TENM2: variants seen among roughly 807,000 people sequenced by gnomAD.
The protein encoded by TENM2 is teneurin-2.
TENM2 carries 52 observed loss-of-function variants against 245.2 expected under a neutral mutation model. The ratio of observed to expected loss-of-function variants is 0.21; its 90% CI spans 0.17 to 0.27. TENM2 has a LOEUF of 0.27. TENM2 is among the 10% of genes least tolerant of loss of function. The pLI is 1.00. For synonymous variants in TENM2, 1,363 were observed against 1,438.9 expected (o/e 0.95, Z 1.19); for missense variants, 3,046 against 3,666.8 (o/e 0.83, Z 4.37).
At chr5:167,453,129 G>C (rs1432999472) in intron 2 of TENM2, among the ~76,000 whole-genome samples, 2 of 151,178 alleles carry the variant, frequency 1.3e-5, no homozygotes, top group African/African-American at 4.9e-5. Flanking sequence ...ACAGCCCAGA[G>C]AGAGAACCTG....
chr5:168,203,692 C>T (rs762043645), exon 18 of TENM2: 6 of 1,605,578 alleles, frequency 3.7e-6, no homozygotes, highest in African/African-American at 1.3e-5. Flanking sequence ...CTTTCAGTGT[C>T]TGTCGGGTTT....
Position 167,814,466 on chromosome 5 carries a change from A to AG in TENM2, c.503-61520_503-61519insG, listed in dbSNP as rs547592506. Among the ~76,000 whole-genome samples, 22 of 150,908 alleles carry AG rather than the reference A, an allele frequency of 1.5e-4. 1 individual carries two copies. The East Asian group carries it at 2.2e-3, about 15-fold the overall frequency. On this transcript the variant is annotated intron_variant, in intron 2 of 28. Coordinates refer to ENST00000518659, the Ensembl canonical transcript of TENM2. ...GACACTCCGATTCAAAAAAAAAAAA[A>AG]AAAGAAAAAGAAAAGAAAAAGAAAG...
At chr5:167,817,185 A>G (rs1220276587) in intron 2 of TENM2, among the ~76,000 whole-genome samples, 1 of 152,222 alleles carries the variant, frequency 6.6e-6, no homozygotes, top group Admixed American at 6.5e-5. Flanking sequence ...AATGATGTTC[A>G]CTCAGTCCAG....
At chr5:167,451,753 A>T (rs1765599653) in intron 2 of TENM2, among the ~76,000 whole-genome samples, 1 of 151,354 alleles carries the variant, frequency 6.6e-6, no homozygotes, top group Non-Finnish European at 1.5e-5. Context: ...GGTTCATGCC[A>T]TTCTTCTGCC....
At chr5:167,031,240 G>A in the TENM2 span, among the ~76,000 whole-genome samples, 16 of 152,308 alleles carry the variant, frequency 1.1e-4, no homozygotes, top group East Asian at 2.9e-3. Flanking sequence ...TTCATTAGAC[G>A]TGCCAGAGGG....
chr5:168,215,184 A>G (rs1328275204), exon 21 of TENM2: 2 of 1,613,928 alleles, frequency 1.2e-6, no homozygotes, highest in East Asian at 4.5e-5. Context: ...AAGTTGTGGC[A>G]GGGACGGGAG....
At chr5:167,473,576 A>G (rs1463497041) in intron 2 of TENM2, among the ~76,000 whole-genome samples, 1 of 151,876 alleles carries the variant, frequency 6.6e-6, no homozygotes, top group South Asian at 2.1e-4. Context: ...AGTGGCTTAT[A>G]GTTTTCGATC....
At chr5:167,489,050 G>A (rs1395670712) in intron 2 of TENM2, among the ~76,000 whole-genome samples, 1 of 152,060 alleles carries the variant, frequency 6.6e-6, no homozygotes, top group Non-Finnish European at 1.5e-5. Context: ...CTCTAACTCT[G>A]GTCGAAGCCA....
intron 7 of TENM2, chr5:168,088,159 C>T (rs1231793862): frequency 6.6e-6 from 1 of 152,154 alleles, no homozygotes; most frequent in Non-Finnish European, 1.5e-5. Flanking sequence ...AAGTAATCAC[C>T]TTCCCCAAAC....
the TENM2 span, among the ~76,000 whole-genome samples, chr5:167,140,300 A>G: frequency 6.6e-6 from 1 of 152,234 alleles, no homozygotes; most frequent in Non-Finnish European, 1.5e-5. Flanking sequence ...TGAATAATAA[A>G]GAAGCCAATT....
intron 23 of TENM2, among the ~76,000 whole-genome samples, chr5:168,219,975 G>T (rs1353975870): frequency 1.3e-5 from 2 of 152,104 alleles, no homozygotes; most frequent in East Asian, 3.9e-4. Flanking sequence ...CCACCTGCTG[G>T]ATATTTAGTG....
the TENM2 span, among the ~76,000 whole-genome samples, chr5:167,141,460 T>C: frequency 6.6e-6 from 1 of 152,204 alleles, no homozygotes; most frequent in African/African-American, 2.4e-5. Flanking sequence ...CTGAGTATAT[T>C]AGCAAACATA....
rs766644820 is a variant in TENM2, at chr5:167,988,789, C to T, written c.948-4155C>T. On this transcript the variant is annotated intron_variant, in intron 4 of 28. Transcript: ENST00000518659. ...AGAAGCCTTTGTCAGGGAGAAAGGG[C>T]GCTTTGTTTGATGACATGTGACCTA... 1.3e-4 allele frequency among the ~76,000 whole-genome samples: 20 copies of T among 152,108 alleles called. 1 individual carries two copies. The highest frequency in any genetic ancestry group is 2.9e-4 in the African/African-American group (12 of 41,498).
intron 2 of TENM2, among the ~76,000 whole-genome samples, chr5:167,461,526 C>T (rs1416494727): frequency 3.3e-5 from 5 of 152,112 alleles, no homozygotes; most frequent in South Asian, 2.1e-4. Flanking sequence ...TGCTGGTTAC[C>T]TCCCGGCAGT....
chr5:167,580,474 T>G (rs1775010957), intron 2 of TENM2, among the ~76,000 whole-genome samples: 1 of 152,240 alleles, frequency 6.6e-6, no homozygotes, highest in South Asian at 2.1e-4. Context: ...AGTCATTAAC[T>G]GGGTGCCAAT....
At chr5:167,127,629 A>T in the TENM2 span, among the ~76,000 whole-genome samples, 4,531 of 131,264 alleles carry the variant, frequency 0.035, 64 homozygotes, top group African/African-American at 0.049. Context: ...TTTTTTTTTT[A>T]AAAAAAAAAA....
At chr5:167,869,387 T>C (rs1040287596) in intron 2 of TENM2, among the ~76,000 whole-genome samples, 1 of 152,198 alleles carries the variant, frequency 6.6e-6, no homozygotes, top group Admixed American at 6.5e-5. Context: ...TATGGCAATA[T>C]GCAAACCTGA....
intron 2 of TENM2, among the ~76,000 whole-genome samples, chr5:167,492,047 AAG>A (rs1293736481): frequency 6.6e-6 from 1 of 152,204 alleles, no homozygotes; most frequent in Non-Finnish European, 1.5e-5. Flanking sequence ...TAAAGGTTAA[AAG>A]AGTTTCTTCA....
chr5:167,631,551 T>C (rs1260577214), intron 2 of TENM2, among the ~76,000 whole-genome samples: 1 of 152,096 alleles, frequency 6.6e-6, no homozygotes, highest in African/African-American at 2.4e-5. Context: ...GGCCTTAGCA[T>C]GGAATGTGAG....
Sources: allele counts gnomAD v4.1 joint callset (sites outside exome capture counted in the v4.1 genomes callset), GRCh38; gene constraint gnomAD v4.1.1; transcripts MANE v1.5; gene names NCBI Gene and HGNC (gene_info 2026-07-23, HGNC 2026-07-21).